PLD1: variants seen among roughly 807,000 people sequenced by gnomAD.
PLD1 encodes phospholipase D1, also known as choline phosphatase 1.
Under a neutral mutation model 137.1 loss-of-function variants are expected in PLD1, and 112 were observed. The observed-to-expected ratio is 0.82, with a 90% confidence interval of 0.70 to 0.96. The LOEUF (loss-of-function observed/expected upper bound fraction) is 0.96. Ranked by LOEUF, PLD1 falls within the 40% of genes least tolerant of loss-of-function variation. The pLI is 0.00. For missense variants in PLD1, 1,321 were observed against 1,342.0 expected (o/e 0.98, Z 0.24); for synonymous variants, 431 against 454.7 (o/e 0.95, Z 0.66).
chr3:171,727,749 T>A (rs549507793), intron 6 of PLD1, among the ~76,000 whole-genome samples: 2 of 152,084 alleles, frequency 1.3e-5, no homozygotes, highest in South Asian at 4.2e-4. Flanking sequence ...TTGATCTAGG[T>A]TTGTAAATGG....
rs1363981377 is a variant in PLD1 at position 171,790,200 on chromosome 3, C to T, written c.-32+20199G>A. Among the ~76,000 whole-genome samples, 3 of 152,210 alleles carry T rather than the reference C, an allele frequency of 2.0e-5. No individual in the cohort carries two copies. In the East Asian group the frequency reaches 5.8e-4, roughly 29 times the overall value. On this transcript the variant is annotated intron_variant, in intron 1 of 26. Coordinates refer to ENST00000351298, the MANE Select transcript of PLD1 (RefSeq NM_002662.5). ...AGGCCCTCCCTGGATTCAGAGACTC[C>T]AAGCTTCAGCTCCACTCACAGGGAT...
intron 19 of PLD1, among the ~76,000 whole-genome samples, chr3:171,671,644 A>C (rs1317714544): frequency 6.6e-6 from 1 of 152,118 alleles, no homozygotes; most frequent in African/African-American, 2.4e-5. Flanking sequence ...ACAGATAAGA[A>C]TGCATAAAAC....
At chr3:171,799,758 G>A (rs1039674825) in intron 1 of PLD1, among the ~76,000 whole-genome samples, 2 of 152,128 alleles carry the variant, frequency 1.3e-5, no homozygotes, top group African/African-American at 2.4e-5. Flanking sequence ...CCCTTGATAC[G>A]ATGTAATAAA....
intron 15 of PLD1, 107 bp from the exon 16 acceptor site, chr3:171,686,905 C>A (rs1010719867): frequency 1.3e-4 from 75 of 569,028 alleles, no homozygotes; most frequent in Admixed American, 3.3e-5. Context: ...TAACATCAGT[C>A]TTAAGATTCT....
chr3:171,704,060 G>C (rs1177817962), intron 11 of PLD1, among the ~76,000 whole-genome samples: 1 of 152,208 alleles, frequency 6.6e-6, no homozygotes, highest in Non-Finnish European at 1.5e-5. Context: ...AAATTGGGGA[G>C]AGGAGCTCAG....
intron 12 of PLD1, among the ~76,000 whole-genome samples, chr3:171,698,086 T>C (rs1209785179): frequency 6.6e-6 from 1 of 152,202 alleles, no homozygotes; most frequent in African/African-American, 2.4e-5. Context: ...ATGGAAAAGA[T>C]GCCATTTCAT....
At position 171,708,839 on chromosome 3, in the gene PLD1, CT is replaced by C. The variant is rs1716912524; in HGVS notation, c.1062-2del. 1.3e-6 allele frequency: 2 copies of C among 1,537,924 alleles called. No individual in the cohort carries two copies. Among genetic ancestry groups the C allele is most frequent in the Non-Finnish European group, 1.8e-6 (2 of 1,110,902 alleles). ...AAAATATCCTTTGGCATTAACATAC[CT>C]GAAAGACAAGTTTATTGTTCCTTTT... On this transcript the variant is annotated splice_acceptor_variant, in intron 10 of 26. Coordinates refer to ENST00000351298, the MANE Select transcript of PLD1 (RefSeq NM_002662.5). LOFTEE classifies it high-confidence loss of function.
rs1462525985 is a variant in PLD1 at position 171,709,412 on chromosome 3, GTCCCATAATTA to G, written c.1061+137_1061+147del. On this transcript the variant is annotated intron_variant, in intron 10 of 26. Coordinates refer to ENST00000351298, the MANE Select transcript of PLD1 (RefSeq NM_002662.5). Reference sequence around the variant, plus strand: ...TGAAAAACTAATCTATAATCAGGTAGTCCCATAATTATCACAAAAAGAGAAGCCCTTGTTAA... The same window carrying G: ...TGAAAAACTAATCTATAATCAGGTAGTCACAAAAAGAGAAGCCCTTGTTAA... The G allele has an allele frequency of 5.3e-6, 3 of 567,468 alleles. No homozygotes were observed. The African/African-American group carries it at 5.6e-5, about 11-fold the overall frequency. 35.2% of individuals were successfully genotyped at this position (567,468 alleles called of 1,614,324 possible).
intron 16 of PLD1, among the ~76,000 whole-genome samples, chr3:171,682,888 G>C (rs7433336): frequency 0.41 from 62,219 of 151,834 alleles, 13,008 homozygotes; most frequent in Non-Finnish European, 0.43. Flanking sequence ...TTTCTTTTTA[G>C]GTAAACTGTT....
intron 23 of PLD1, among the ~76,000 whole-genome samples, chr3:171,639,516 T>A: frequency 1.1e-5 from 1 of 92,900 alleles, no homozygotes; most frequent in Non-Finnish European, 1.9e-5. Context: ...ATAAATAATA[T>A]ATATTCATAT....
At chr3:171,715,875 G>A (rs1465951630) in intron 8 of PLD1, among the ~76,000 whole-genome samples, 1 of 151,972 alleles carries the variant, frequency 6.6e-6, no homozygotes, top group Non-Finnish European at 1.5e-5. Context: ...CAGGTACTAA[G>A]CATAGTACCT....
At chr3:171,730,506 TA>T (rs1160511947) in intron 6 of PLD1, among the ~76,000 whole-genome samples, 2 of 152,030 alleles carry the variant, frequency 1.3e-5, no homozygotes, top group Non-Finnish European at 1.5e-5. Flanking sequence ...AATGGCTGTA[TA>T]AAAGTGAGAG....
intron 21 of PLD1, among the ~76,000 whole-genome samples, chr3:171,645,756 C>T (rs992024098): frequency 3.7e-4 from 56 of 151,768 alleles, no homozygotes; most frequent in Non-Finnish European, 7.5e-4. Context: ...TGGTGGCGGG[C>T]GCCTGTAGTC....
intron 23 of PLD1, among the ~76,000 whole-genome samples, chr3:171,623,469 C>T (rs1733819056): frequency 8.0e-6 from 1 of 125,218 alleles, no homozygotes; most frequent in South Asian, 3.1e-4. Flanking sequence ...CGCCCACCAC[C>T]ACGCCTTGCT....
At chr3:171,604,065 G>A (rs566205048) in intron 26 of PLD1, among the ~76,000 whole-genome samples, 11 of 152,192 alleles carry the variant, frequency 7.2e-5, no homozygotes, top group African/African-American at 2.4e-4. Context: ...GGGGTCAGGC[G>A]CATTGGGTCA....
intron 5 of PLD1, among the ~76,000 whole-genome samples, chr3:171,734,240 A>G (rs1054346292): frequency 6.6e-6 from 1 of 152,260 alleles, no homozygotes; most frequent in African/African-American, 2.4e-5. Context: ...GAGAAATCAA[A>G]CATTCCCTCT....
At chr3:171,607,292 C>A (rs1383986690) in intron 25 of PLD1, among the ~76,000 whole-genome samples, 1 of 152,098 alleles carries the variant, frequency 6.6e-6, no homozygotes, top group Non-Finnish European at 1.5e-5. Context: ...AATGACAGTA[C>A]AAATGATGAC....
intron 1 of PLD1, among the ~76,000 whole-genome samples, chr3:171,757,546 C>A (rs1721113505): frequency 6.6e-6 from 1 of 152,174 alleles, no homozygotes; most frequent in Non-Finnish European, 1.5e-5. Context: ...AACAAGTTAG[C>A]TCATGTGAAA....
At position 171,603,328 on chromosome 3, in the gene PLD1, G is replaced by A. The variant is rs768480383; in HGVS notation, c.3001-26C>T. ...CTGATTAGAGCATAAATAGAAAAAT[G>A]AGTGAAAAGTTTAAAAGCGAGCACA... On this transcript the variant is annotated intron_variant, in intron 26 of 26. Coordinates refer to ENST00000351298, the MANE Select transcript of PLD1 (RefSeq NM_002662.5). The A allele has an allele frequency of 2.6e-5, 41 of 1,549,528 alleles. No homozygotes were observed. The Admixed American group carries it at 6.9e-4, about 26-fold the overall frequency.
Sources: gnomAD v4.1 joint callset for allele counts (sites outside exome capture counted in the v4.1 genomes callset) on GRCh38, gnomAD v4.1.1 for gene constraint, MANE v1.5 for transcripts, NCBI Gene and HGNC (gene_info 2026-07-23, HGNC 2026-07-21) for gene names.